The following RBFOX1 variants were observed in gnomAD, a reference collection of about 807,000 sequenced individuals.
RBFOX1 encodes RNA binding protein fox-1 homolog 1.
Under a neutral mutation model 57.7 loss-of-function variants are expected in RBFOX1, and 8 were observed. The observed-to-expected ratio is 0.14, with a 90% CI of 0.08 to 0.25. The LOEUF is 0.25. Among genes scored for constraint, RBFOX1 ranks in the 10% least tolerant of loss-of-function variants. RBFOX1 has a pLI of 1.00. For missense variants in RBFOX1, 611 were observed against 548.5 expected (o/e 1.11, Z -1.14); for synonymous variants, 326 against 222.4 (o/e 1.47, Z -4.15).
At chr16:6,542,941 G>A (rs1481972504) in intron 2 of RBFOX1, among the ~76,000 whole-genome samples, 1 of 152,030 alleles carries the variant, frequency 6.6e-6, no homozygotes, top group Non-Finnish European at 1.5e-5. Flanking sequence ...TAGAAGGGGC[G>A]TCTGTCTTCA....
At chr16:7,344,570 T>C (rs187904935) in intron 4 of RBFOX1, among the ~76,000 whole-genome samples, 10 of 151,402 alleles carry the variant, frequency 6.6e-5, no homozygotes, top group Admixed American at 5.9e-4. Flanking sequence ...GTAATGATTA[T>C]ATGTAATATA....
chr16:5,761,070 C>G (rs1034627315), intron 3 of RBFOX1, among the ~76,000 whole-genome samples: 1 of 152,100 alleles, frequency 6.6e-6, no homozygotes, highest in South Asian at 2.1e-4. Context: ...CAGGAAGGAT[C>G]CAGTTGGTAA....
intron 1 of RBFOX1, among the ~76,000 whole-genome samples, chr16:6,171,761 G>A (rs2096962208): frequency 6.6e-6 from 1 of 152,082 alleles, no homozygotes. Context: ...TAGTAAGAGT[G>A]ATTGTGAACC....
intron 4 of RBFOX1, among the ~76,000 whole-genome samples, chr16:7,322,398 C>A (rs1283918094): frequency 6.6e-6 from 1 of 152,230 alleles, no homozygotes; most frequent in African/African-American, 2.4e-5. Context: ...GTAAACACGT[C>A]AACGTGATTT....
At chr16:6,320,734 A>G (rs1482179280) in intron 2 of RBFOX1, among the ~76,000 whole-genome samples, 2 of 151,940 alleles carry the variant, frequency 1.3e-5, no homozygotes, top group Admixed American at 6.6e-5. Flanking sequence ...TACACCTGAA[A>G]ACTAACTGAA....
At chr16:7,357,525 C>G (rs1361864797) in intron 4 of RBFOX1, among the ~76,000 whole-genome samples, 2 of 152,118 alleles carry the variant, frequency 1.3e-5, no homozygotes, top group Non-Finnish European at 2.9e-5. Context: ...AAATGAAATC[C>G]AACCACCTCC....
At chr16:5,657,742 T>G (rs2049496967) in intron 3 of RBFOX1, among the ~76,000 whole-genome samples, 1 of 142,816 alleles carries the variant, frequency 7.0e-6, no homozygotes, top group East Asian at 2.0e-4. Flanking sequence ...CTTTTCTTTT[T>G]TTTTTTTTGA....
At chr16:6,912,515 T>C (rs536141780) in intron 3 of RBFOX1, among the ~76,000 whole-genome samples, 4 of 152,336 alleles carry the variant, frequency 2.6e-5, no homozygotes, top group Admixed American at 2.6e-4. Flanking sequence ...CTAAGATAAC[T>C]AAACTAAAGA....
chr16:6,769,085 T>C (rs2154210380), intron 3 of RBFOX1, among the ~76,000 whole-genome samples: 1 of 152,256 alleles, frequency 6.6e-6, no homozygotes, highest in Non-Finnish European at 1.5e-5. Context: ...CCCACCCAAA[T>C]CTCATCTTGA....
At chr16:6,084,171 G>A (rs959183643) in intron 1 of RBFOX1, among the ~76,000 whole-genome samples, 5 of 152,248 alleles carry the variant, frequency 3.3e-5, no homozygotes, top group East Asian at 1.9e-4. Context: ...GAGAGAGCAC[G>A]TGTAAAGTGT....
At chr16:6,841,139 C>G (rs2093439250) in intron 3 of RBFOX1, among the ~76,000 whole-genome samples, 1 of 151,992 alleles carries the variant, frequency 6.6e-6, no homozygotes, top group East Asian at 1.9e-4. Context: ...CTTGTACACT[C>G]TGGATATTAG....
At chr16:6,362,113 G>C (rs2088658152) in intron 2 of RBFOX1, among the ~76,000 whole-genome samples, 1 of 152,036 alleles carries the variant, frequency 6.6e-6, no homozygotes, top group Admixed American at 6.5e-5. Flanking sequence ...TTCATTAAAA[G>C]CATGACAGAA....
intron 4 of RBFOX1, among the ~76,000 whole-genome samples, chr16:7,135,783 T>G (rs1273327126): frequency 6.6e-6 from 1 of 152,224 alleles, no homozygotes; most frequent in Non-Finnish European, 1.5e-5. Flanking sequence ...CCACATGTAA[T>G]TATTCTGAAG....
chr16:6,401,329 C>T (rs980455267), intron 2 of RBFOX1, among the ~76,000 whole-genome samples: 1 of 152,092 alleles, frequency 6.6e-6, no homozygotes, highest in Non-Finnish European at 1.5e-5. Context: ...CATAAGTGTA[C>T]ACTGATATAA....
chr16:6,606,164 C>T (rs904421380), intron 2 of RBFOX1, among the ~76,000 whole-genome samples: 8 of 151,982 alleles, frequency 5.3e-5, no homozygotes, highest in African/African-American at 1.9e-4. Flanking sequence ...TTTCCAGTAA[C>T]ATGCAAGTGT....
At chr16:6,865,985 CAATCGGG>C (rs2059845081) in intron 3 of RBFOX1, among the ~76,000 whole-genome samples, 1 of 151,842 alleles carries the variant, frequency 6.6e-6, no homozygotes, top group South Asian at 2.1e-4. Flanking sequence ...TTGAAAAAAA[CAATCGGG>C]GAAAAAAGAG....
At chr16:7,699,660 A>T (rs780520412) in intron 14 of RBFOX1, among the ~76,000 whole-genome samples, 3 of 152,232 alleles carry the variant, frequency 2.0e-5, no homozygotes, top group Non-Finnish European at 4.4e-5. Flanking sequence ...GATGTAAAAT[A>T]TATCAATAAT....
rs567301226 is a variant in RBFOX1 at position 7,397,388 on chromosome 16, G to C, written c.28-120759G>C. On this transcript the variant is annotated intron_variant, in intron 4 of 15. Coordinates refer to ENST00000550418, the MANE Select transcript of RBFOX1 (RefSeq NM_018723.4). ...TGTAGGACACCAGTCTATGAACGTT[G>C]GCTTATAGGAGCACCAGGTCTCCAG... Among the ~76,000 whole-genome samples, 402 of 152,258 alleles carry C rather than the reference G, an allele frequency of 2.6e-3. 1 individual carries two copies. The highest frequency in any genetic ancestry group is 4.7e-3 in the Non-Finnish European group (319 of 68,024).
intron 1 of RBFOX1, among the ~76,000 whole-genome samples, chr16:6,207,839 C>T (rs1165709905): frequency 6.6e-6 from 1 of 151,986 alleles, no homozygotes; most frequent in Admixed American, 6.6e-5. Context: ...AGATGTATGG[C>T]ACCACATCCA....
Sources: allele counts gnomAD v4.1 joint callset (sites outside exome capture counted in the v4.1 genomes callset), GRCh38; gene constraint gnomAD v4.1.1; transcripts MANE v1.5; gene names NCBI Gene and HGNC (gene_info 2026-07-23, HGNC 2026-07-21).